The following SMARCB1 variants were observed in gnomAD, a reference collection of about 807,000 sequenced individuals.
SMARCB1 encodes the protein SWI/SNF related BAF chromatin remodeling complex subunit B1.
A neutral mutation model predicts 49.0 loss-of-function variants in SMARCB1; 5 were observed. The ratio of observed to expected loss-of-function variants is 0.10; its 90% CI spans 0.05 to 0.21. The LOEUF (loss-of-function observed/expected upper bound fraction) is 0.21, where lower values mean the gene tolerates loss of function less well. SMARCB1 is among the 10% of genes least tolerant of loss of function. SMARCB1 has a pLI of 1.00. For synonymous variants in SMARCB1, 201 were observed against 200.1 expected, an observed-to-expected ratio of 1.00 and a Z score of -0.04; for missense variants, 226 against 509.2, an observed-to-expected ratio of 0.44 and a Z score of 5.35.
intron 5 of SMARCB1, among the ~76,000 whole-genome samples, chr22:23,804,790 C>T (rs944751941): frequency 3.3e-5 from 5 of 152,204 alleles, no homozygotes; most frequent in Admixed American, 2.0e-4. Flanking sequence ...ATCCGCCTGC[C>T]GTGGCCTCTC....
chr22:23,792,782 C>T (rs1368498120), intron 2 of SMARCB1: 1 of 154,584 alleles, frequency 6.5e-6, no homozygotes, highest in African/African-American at 2.4e-5. Context: ...AAACAGTTTC[C>T]TTTTTGTTCC....
At chr22:23,801,384 C>T in intron 4 of SMARCB1, 1 of 669,850 alleles carries the variant, frequency 1.5e-6, no homozygotes, top group South Asian at 1.5e-5. Context: ...ATGAGTGGGC[C>T]ACAGCCAGTC....
chr22:23,825,158 G>A, intron 6 of SMARCB1, 67 bp from the exon 7 acceptor site: 1 of 1,408,352 alleles, frequency 7.1e-7, no homozygotes, highest in East Asian at 2.3e-5. Flanking sequence ...GCCTGGCAGG[G>A]CCCCGCTCCT....
intron 5 of SMARCB1, among the ~76,000 whole-genome samples, chr22:23,809,954 A>C (rs1199216160): frequency 2.6e-5 from 4 of 151,088 alleles, no homozygotes; most frequent in African/African-American, 9.7e-5. Context: ...GCGGATCACG[A>C]GGTCAGGAAT....
intron 3 of SMARCB1, 93 bp downstream of exon 3, chr22:23,793,781 C>CATT: frequency 2.6e-6 from 2 of 776,316 alleles, no homozygotes; most frequent in African/African-American, 1.9e-5. Flanking sequence ...AATTGAAACA[C>CATT]TTTTTTTTTT....
intron 3 of SMARCB1, among the ~76,000 whole-genome samples, chr22:23,799,511 G>GT (rs1297245163): frequency 3.4e-4 from 21 of 62,160 alleles, no homozygotes; most frequent in East Asian, 1.0e-3. Flanking sequence ...CTCACCTTTT[G>GT]GTTTTTTTTT....
At chr22:23,830,849 C>T (rs1234308724) in intron 7 of SMARCB1, among the ~76,000 whole-genome samples, 6 of 151,796 alleles carry the variant, frequency 4.0e-5, no homozygotes, top group Admixed American at 6.6e-5. Context: ...TTAGTAGAGA[C>T]GGGGTTTCAC....
chr22:23,790,084 G>A (rs756094755), intron 1 of SMARCB1, among the ~76,000 whole-genome samples: 14 of 152,200 alleles, frequency 9.2e-5, no homozygotes, highest in Non-Finnish European at 1.8e-4. Context: ...CCAAGAGGGT[G>A]AAGGCTGGTT....
At chr22:23,821,734 C>G (rs111863872) in intron 6 of SMARCB1, among the ~76,000 whole-genome samples, 9,656 of 151,826 alleles carry the variant, frequency 0.064, 1,007 homozygotes, top group African/African-American at 0.22. Flanking sequence ...TCCTGTAATC[C>G]CAGCTACTCT....
chr22:23,797,709 C>T (rs1928866831), intron 3 of SMARCB1, among the ~76,000 whole-genome samples: 1 of 146,202 alleles, frequency 6.8e-6, no homozygotes, highest in African/African-American at 2.5e-5. Context: ...CCTCCCCTTC[C>T]CGGGTTCAAG....
rs1423638268 is a variant in SMARCB1, at chr22:23,834,464, G to C, written c.*284G>C. The C allele has an allele frequency of 4.4e-6, 3 of 683,508 alleles. No homozygotes were observed. In the East Asian group the frequency reaches 8.1e-5, roughly 18 times the overall value. 42.3% of individuals were successfully genotyped at this position (683,508 alleles called of 1,614,324 possible). On this transcript the variant is annotated 3_prime_UTR_variant, in exon 9 of 9. Coordinates refer to ENST00000644036, the MANE Select transcript of SMARCB1 (RefSeq NM_003073.5). ...GTTTTTGTATAGGAGCCCCAGGCAGGGCTAGTAACAGTTTTTAAATAAAAG... is the reference window on the plus strand; with the variant it reads ...GTTTTTGTATAGGAGCCCCAGGCAGCGCTAGTAACAGTTTTTAAATAAAAG...
At chr22:23,816,728 A>C in intron 5 of SMARCB1, 42 bp from the exon 6 acceptor site, 2 of 1,585,380 alleles carry the variant, frequency 1.3e-6, no homozygotes, top group Non-Finnish European at 1.7e-6. Context: ...ATGCCCAAGC[A>C]TGGTGCAATC....
Position 23,836,296 on chromosome 22 carries a change from C to T in SMARCB1, c.*2116C>T, listed in dbSNP as rs1379147126. The T allele has an allele frequency of 3.5e-5, 34 of 985,342 alleles. No individual in the cohort carries two copies. Among genetic ancestry groups the T allele is most frequent in the Non-Finnish European group, 4.0e-5 (33 of 829,944 alleles). 61.0% of individuals were successfully genotyped at this position (985,342 alleles called of 1,614,324 possible). A position where few individuals can be genotyped will look rare whatever the true frequency, so the allele number is the denominator to read the frequency against. On this transcript the variant is annotated 3_prime_UTR_variant, in exon 9 of 9. Transcript: ENST00000644036. Reference sequence around the variant, plus strand: ...ACCAGATGAAAAATGAGGCATACGCCCACCTGTCAGGGTGGCTGATGAGAG... The same window carrying T: ...ACCAGATGAAAAATGAGGCATACGCTCACCTGTCAGGGTGGCTGATGAGAG...
chr22:23,823,382 T>A (rs1226933915), intron 6 of SMARCB1: 1 of 152,252 alleles, frequency 6.6e-6, no homozygotes, highest in Non-Finnish European at 1.5e-5. Context: ...TAGATTCCAG[T>A]TGGGAAGGGC....
Position 23,797,318 on chromosome 22 carries a change from A to T in SMARCB1, c.363-3626A>T, listed in dbSNP as rs562350403. Among the ~76,000 whole-genome samples the T allele has an allele frequency of 6.0e-3, 563 of 94,308 alleles. 9 individuals carry two copies. The highest frequency in any genetic ancestry group is 0.044 in the Admixed American group (400 of 9,120). The allele number at this position is 94,308 out of a possible 152,430, so 61.9% of individuals were successfully genotyped here. ...TGGCCTGTTTTTTTTTATTATTATT[A>T]TTTTTTTTGAGACGGAGTTTCGCTC... On this transcript the variant is annotated intron_variant, in intron 3 of 8. Transcript: ENST00000644036.
chr22:23,808,478 G>A (rs1431810206), intron 5 of SMARCB1, among the ~76,000 whole-genome samples: 2 of 151,448 alleles, frequency 1.3e-5, no homozygotes, highest in Non-Finnish European at 2.9e-5. Context: ...GGATGGTCTC[G>A]ATCTCCTGAC....
intron 7 of SMARCB1, among the ~76,000 whole-genome samples, chr22:23,828,102 G>T (rs562055589): frequency 6.6e-6 from 1 of 152,158 alleles, no homozygotes; most frequent in Non-Finnish European, 1.5e-5. Flanking sequence ...GCCCAGGCTG[G>T]AGTGCAGTGG....
Position 23,835,528 on chromosome 22 carries a change from T to TG in SMARCB1, c.*1349dup. Reference sequence around the variant, plus strand: ...TGAGAGGAGGGCTCCTTTGAGCACATGTTAGCATGGGACTCTTCCCAGGGA... The same window carrying TG: ...TGAGAGGAGGGCTCCTTTGAGCACATGGTTAGCATGGGACTCTTCCCAGGGA... On this transcript the variant is annotated 3_prime_UTR_variant, in exon 9 of 9. Transcript: ENST00000644036. The TG allele has an allele frequency of 1.0e-6, 1 of 985,548 alleles. No individual in the cohort carries two copies. The highest frequency in any genetic ancestry group is 1.2e-6 in the Non-Finnish European group (1 of 829,976). 61.1% of individuals were successfully genotyped at this position (985,548 alleles called of 1,614,324 possible). A position where few individuals can be genotyped will look rare whatever the true frequency, so the allele number is the denominator to read the frequency against.
rs1180439049 is a variant in SMARCB1 at position 23,809,298 on chromosome 22, G to A, written c.628+5876G>A. On this transcript the variant is annotated intron_variant, in intron 5 of 8. Coordinates refer to ENST00000644036, the MANE Select transcript of SMARCB1 (RefSeq NM_003073.5). ...TTCTTTTTTTTTTTTTTTTTGAGAC[G>A]GAGTTTCTGCTCTTGTTGCCCAGGC... is the stretch of plus-strand genomic sequence containing the variant. Among the ~76,000 whole-genome samples the A allele has an allele frequency of 3.5e-5, 5 of 144,364 alleles. No individual in the cohort carries two copies. The East Asian group carries it at 6.1e-4, about 18-fold the overall frequency. 94.7% of individuals were successfully genotyped at this position (144,364 alleles called of 152,430 possible). A position where few individuals can be genotyped will look rare whatever the true frequency, so the allele number is the denominator to read the frequency against.
Sources: gnomAD v4.1 joint callset for allele counts (sites outside exome capture counted in the v4.1 genomes callset) on GRCh38, gnomAD v4.1.1 for gene constraint, MANE v1.5 for transcripts, NCBI Gene and HGNC (gene_info 2026-07-23, HGNC 2026-07-21) for gene names.